The following SLC24A2 variants were observed in gnomAD, a reference collection of about 807,000 sequenced individuals.
SLC24A2 encodes the protein sodium/potassium/calcium exchanger 2.
SLC24A2 carries 36 observed loss-of-function variants against 62.0 expected under a neutral mutation model. The ratio of observed to expected loss-of-function variants is 0.58; its 90% CI spans 0.44 to 0.77. The LOEUF is 0.77. SLC24A2 is among the 30% of genes least tolerant of loss of function. The probability of loss-of-function intolerance (pLI) is 0.00; values close to 1 mark genes in which losing one functional copy is unlikely to be tolerated. For synonymous variants in SLC24A2, 358 were observed against 294.0 expected (o/e 1.22, Z -2.23); for missense variants, 846 against 817.9 (o/e 1.03, Z -0.42).
chr9:19,855,311 T>G, the SLC24A2 span, among the ~76,000 whole-genome samples: 8 of 152,208 alleles, frequency 5.3e-5, no homozygotes, highest in African/African-American at 1.9e-4. Context: ...TATTTTTATG[T>G]GTGAATTTGA....
intron 2 of SLC24A2, among the ~76,000 whole-genome samples, chr9:19,731,900 T>C (rs1821349933): frequency 6.6e-6 from 1 of 152,162 alleles, no homozygotes; most frequent in Admixed American, 6.5e-5. Context: ...AACCTATACA[T>C]TGTGAGCCAG....
chr9:19,646,801 T>A (rs943496954), intron 2 of SLC24A2, among the ~76,000 whole-genome samples: 1 of 152,116 alleles, frequency 6.6e-6, no homozygotes, highest in Non-Finnish European at 1.5e-5. Context: ...TTCCCAGGTA[T>A]GTATTTCCCA....
chr9:19,843,322 T>C, the SLC24A2 span, among the ~76,000 whole-genome samples: 2 of 152,084 alleles, frequency 1.3e-5, no homozygotes, highest in African/African-American at 4.8e-5. Flanking sequence ...GCTAACATGG[T>C]GAAATCATGT....
chr9:20,103,348 T>C, the SLC24A2 span, among the ~76,000 whole-genome samples: 1 of 152,192 alleles, frequency 6.6e-6, no homozygotes, highest in East Asian at 1.9e-4. Context: ...GAGAGCATGG[T>C]TCTCCCAGCA....
the SLC24A2 span, among the ~76,000 whole-genome samples, chr9:20,041,187 T>C: frequency 1.0e-3 from 127 of 126,626 alleles, 1 homozygote; most frequent in East Asian, 0.027. Flanking sequence ...CGCAGAAGCA[T>C]GCATGAGAAA....
chr9:19,689,317 G>A (rs1440504211), intron 2 of SLC24A2, among the ~76,000 whole-genome samples: 2 of 152,104 alleles, frequency 1.3e-5, no homozygotes, highest in Admixed American at 6.6e-5. Context: ...CAATTCTGCT[G>A]TTTTGAGCTT....
chr9:19,982,327 T>C, the SLC24A2 span, among the ~76,000 whole-genome samples: 1 of 152,104 alleles, frequency 6.6e-6, no homozygotes, highest in African/African-American at 2.4e-5. Context: ...ATGAGGAGGT[T>C]GGTGGGTTTC....
intron 2 of SLC24A2, among the ~76,000 whole-genome samples, chr9:19,628,491 G>A (rs902766579): frequency 1.4e-4 from 21 of 152,108 alleles, no homozygotes; most frequent in African/African-American, 4.8e-4. Context: ...GACTACCCCT[G>A]CTATCTCTTG....
At chr9:20,103,449 C>A in the SLC24A2 span, among the ~76,000 whole-genome samples, 3 of 152,220 alleles carry the variant, frequency 2.0e-5, no homozygotes, top group South Asian at 2.1e-4. Context: ...AGGCACCCCC[C>A]AGCAGGGGCA....
chr9:20,285,254 TGC>T, the SLC24A2 span, among the ~76,000 whole-genome samples: 1 of 152,186 alleles, frequency 6.6e-6, no homozygotes, highest in Non-Finnish European at 1.5e-5. Flanking sequence ...TTAGTCTGAG[TGC>T]TCCAGAGAAA....
the SLC24A2 span, among the ~76,000 whole-genome samples, chr9:20,144,989 A>T: frequency 1.3e-5 from 2 of 152,176 alleles, no homozygotes; most frequent in African/African-American, 4.8e-5. Flanking sequence ...TGATCATCAG[A>T]TATGTTATTT....
At chr9:19,973,727 C>A in the SLC24A2 span, among the ~76,000 whole-genome samples, 267 of 152,300 alleles carry the variant, frequency 1.8e-3, no homozygotes, top group Middle Eastern at 3.4e-3. Context: ...ACCTCCAAAC[C>A]AGATACATTT....
At chr9:19,795,213 G>A in the SLC24A2 span, among the ~76,000 whole-genome samples, 112,316 of 151,768 alleles carry the variant, frequency 0.74, 43,622 homozygotes, top group Middle Eastern at 0.88. Context: ...TGTGGTGGGC[G>A]TAGTGGGCTG....
At chr9:19,959,720 T>C in the SLC24A2 span, among the ~76,000 whole-genome samples, 1 of 152,194 alleles carries the variant, frequency 6.6e-6, no homozygotes, top group African/African-American at 2.4e-5. Flanking sequence ...ACAAGACTCT[T>C]ATTTAAGATT....
chr9:20,243,923 G>T, the SLC24A2 span, among the ~76,000 whole-genome samples: 29 of 152,042 alleles, frequency 1.9e-4, no homozygotes, highest in African/African-American at 7.0e-4. Context: ...TTTATTGGTG[G>T]ATAGAAGGAG....
At chr9:20,025,246 A>G in the SLC24A2 span, among the ~76,000 whole-genome samples, 3 of 152,200 alleles carry the variant, frequency 2.0e-5, no homozygotes, top group African/African-American at 7.2e-5. Flanking sequence ...GCTAGAATGT[A>G]TTAACCTTAG....
chr9:20,067,607 G>A, the SLC24A2 span, among the ~76,000 whole-genome samples: 1 of 151,862 alleles, frequency 6.6e-6, no homozygotes, highest in Non-Finnish European at 1.5e-5. Context: ...TCAATGTTTA[G>A]CTCCCACTTG....
At chr9:19,724,832 G>C (rs779242795) in intron 2 of SLC24A2, among the ~76,000 whole-genome samples, 1 of 152,098 alleles carries the variant, frequency 6.6e-6, no homozygotes, top group African/African-American at 2.4e-5. Context: ...CCAATAAGGC[G>C]TATTTCAAAC....
At chr9:19,718,587 A>G (rs1430138006) in intron 2 of SLC24A2, among the ~76,000 whole-genome samples, 2 of 151,734 alleles carry the variant, frequency 1.3e-5, no homozygotes, top group Non-Finnish European at 2.9e-5. Flanking sequence ...TGGAGATTAC[A>G]GGCATGAGCC....
Sources: gnomAD v4.1 joint callset for allele counts (sites outside exome capture counted in the v4.1 genomes callset) on GRCh38, gnomAD v4.1.1 for gene constraint, MANE v1.5 for transcripts, NCBI Gene and HGNC (gene_info 2026-07-23, HGNC 2026-07-21) for gene names.